Variants in TRIM2 observed in about 807,000 individuals in gnomAD.
TRIM2 encodes the protein tripartite motif-containing protein 2.
TRIM2 carries 20 observed loss-of-function variants against 75.2 expected under a neutral mutation model. The observed-to-expected ratio is 0.27, with a 90% CI of 0.19 to 0.39. The LOEUF is 0.39. Ranked by LOEUF, TRIM2 falls within the 10% of genes least tolerant of loss-of-function variation. The probability of loss-of-function intolerance (pLI) is 1.00; values close to 1 mark genes in which losing one functional copy is unlikely to be tolerated. For missense variants in TRIM2, 660 were observed against 990.8 expected, an observed-to-expected ratio of 0.67 and a Z score of 4.48; for synonymous variants, 373 against 388.3, an observed-to-expected ratio of 0.96 and a Z score of 0.46.
intron 1 of TRIM2, among the ~76,000 whole-genome samples, chr4:153,245,474 A>G (rs1315219099): frequency 6.6e-6 from 1 of 152,250 alleles, no homozygotes; most frequent in Admixed American, 6.5e-5. Context: ...ATGGCCTGTG[A>G]GCCAAATCTG....
rs71598257 is a variant in TRIM2 at position 153,283,861 on chromosome 4, C to CTTTTTTTTTTTTTTTTT, written c.453+7742_453+7758dup. Reference sequence around the variant, plus strand: ...TCATCTTGGCCAGGATGGCCTTGATCTTTTTTTTTTTTTTTTTTTTTTTTT... The same window carrying CTTTTTTTTTTTTTTTTT: ...TCATCTTGGCCAGGATGGCCTTGATCTTTTTTTTTTTTTTTTTTTTTTTTTTTTTTTTTTTTTTTTTT... On this transcript the variant is annotated intron_variant, in intron 3 of 11. Coordinates refer to ENST00000338700, the MANE Select transcript of TRIM2 (RefSeq NM_015271.5). Among the ~76,000 whole-genome samples the CTTTTTTTTTTTTTTTTT allele has an allele frequency of 9.4e-5, 5 of 53,256 alleles. 1 individual carries two copies. Among genetic ancestry groups the CTTTTTTTTTTTTTTTTT allele is most frequent in the African/African-American group, 4.3e-4 (5 of 11,730 alleles). The allele number at this position is 53,256 out of a possible 152,430, so 34.9% of individuals were successfully genotyped here.
chr4:153,260,694 CCCCCCCCA>C (rs1560902762), intron 1 of TRIM2, among the ~76,000 whole-genome samples: 10 of 51,410 alleles, frequency 1.9e-4, no homozygotes, highest in Non-Finnish European at 3.1e-4. Flanking sequence ...ACACCCACCC[CCCCCCCCA>C]CACACACACA....
chr4:153,245,831 C>T (rs1289068215), intron 1 of TRIM2, among the ~76,000 whole-genome samples: 1 of 152,158 alleles, frequency 6.6e-6, no homozygotes, highest in Non-Finnish European at 1.5e-5. Context: ...TGTGCACCAC[C>T]ATGCACGGCT....
chr4:153,215,762 A>G (rs1738314651), intron 1 of TRIM2, among the ~76,000 whole-genome samples: 1 of 152,212 alleles, frequency 6.6e-6, no homozygotes, highest in Non-Finnish European at 1.5e-5. Flanking sequence ...AAAAACAGGC[A>G]TTGAAATCTA....
At chr4:153,259,736 G>A (rs535767410) in intron 1 of TRIM2, among the ~76,000 whole-genome samples, 1 of 152,246 alleles carries the variant, frequency 6.6e-6, no homozygotes, top group South Asian at 2.1e-4. Flanking sequence ...CTCCATTATA[G>A]GGTTGGCTAT....
chr4:153,293,135 T>A lies in TRIM2; in HGVS notation c.605+2T>A. 1.2e-6 allele frequency: 2 copies of A among 1,600,940 alleles called. No homozygotes were observed. The highest frequency in any genetic ancestry group is 1.7e-6 in the Non-Finnish European group (2 of 1,170,316). On this transcript the variant is annotated splice_donor_variant, in intron 4 of 11. Transcript: ENST00000338700. LOFTEE classifies it high-confidence loss of function. The stretch of plus-strand genomic sequence containing the variant: ...CCAGCTGGATGCTGTCAACAAAAGG[T>A]GGGGGACCCCTCCCCAAACCCCCAA...
At chr4:153,276,181 T>A in intron 3 of TRIM2, 51 bp downstream of exon 3, 1 of 1,482,322 alleles carries the variant, frequency 6.7e-7, no homozygotes, top group South Asian at 1.1e-5. Flanking sequence ...TACTGTGGCC[T>A]TGGGGAGGCT....
Position 153,280,028 on chromosome 4 carries a change from C to T in TRIM2, c.453+3898C>T, listed in dbSNP as rs570794217. On this transcript the variant is annotated intron_variant, in intron 3 of 11. Transcript: ENST00000338700. ...GGTTGAGGCAGCAATGAGCTGTGAT[C>T]GTGCCAAAGTACTCCTGCTTGGGTG... 6.6e-5 allele frequency among the ~76,000 whole-genome samples: 10 copies of T among 151,556 alleles called. No homozygotes were observed. In the East Asian group the frequency reaches 1.7e-3, roughly 26 times the overall value.
chr4:153,298,267 C>CA (rs1459565351), intron 6 of TRIM2, among the ~76,000 whole-genome samples: 8 of 152,192 alleles, frequency 5.3e-5, no homozygotes, highest in African/African-American at 1.9e-4. Flanking sequence ...GCTGCCATAA[C>CA]AAAATTCCAC....
At position 153,335,158 on chromosome 4, in the gene TRIM2, T is replaced by TA. The variant is rs556330614; in HGVS notation, c.*200dup. The TA allele has an allele frequency of 8.9e-5, 113 of 1,271,862 alleles. No homozygotes were observed. In the East Asian group the frequency reaches 1.8e-3, roughly 20 times the overall value. The allele number at this position is 1,271,862 out of a possible 1,614,324, so 78.8% of individuals were successfully genotyped here. On this transcript the variant is annotated 3_prime_UTR_variant, in exon 12 of 12. Coordinates refer to ENST00000338700, the MANE Select transcript of TRIM2 (RefSeq NM_015271.5). Reference sequence around the variant, plus strand: ...AATTTCTGTATTTCACCTTTAGGGTTAAAAAAAACTCTTCTACTGAATCTA... The same window carrying TA: ...AATTTCTGTATTTCACCTTTAGGGTTAAAAAAAAACTCTTCTACTGAATCTA...
chr4:153,335,174 A>G lies in TRIM2; in HGVS notation c.*208A>G, dbSNP rs1161737768. The G allele has an allele frequency of 8.0e-7, 1 of 1,251,484 alleles. No homozygotes were observed. Among genetic ancestry groups the G allele is most frequent in the Non-Finnish European group, 1.0e-6 (1 of 996,196 alleles). 77.5% of individuals were successfully genotyped at this position (1,251,484 alleles called of 1,614,324 possible). A position where few individuals can be genotyped will look rare whatever the true frequency, so the allele number is the denominator to read the frequency against. On this transcript the variant is annotated 3_prime_UTR_variant, in exon 12 of 12. Coordinates refer to ENST00000338700, the MANE Select transcript of TRIM2 (RefSeq NM_015271.5). ...CTTTAGGGTTAAAAAAAACTCTTCT[A>G]CTGAATCTATAAAAACTGCAGTTTT...
At position 153,307,426 on chromosome 4, in the gene TRIM2, GAGAC is replaced by G. The variant is rs553056814; in HGVS notation, c.1511-8058_1511-8055del. Among the ~76,000 whole-genome samples, 213 of 151,338 alleles carry G rather than the reference GAGAC, an allele frequency of 1.4e-3. 2 individuals are homozygous for G. The highest frequency in any genetic ancestry group is 1.5e-3 in the Non-Finnish European group (105 of 67,968). On this transcript the variant is annotated intron_variant, in intron 6 of 11. Coordinates refer to ENST00000338700, the MANE Select transcript of TRIM2 (RefSeq NM_015271.5). ...TGTAAAATCGCTTAGCATGAATTCA[GAGAC>G]TTTACAGGAAAAAAATATATATTTT...
chr4:153,252,129 A>G (rs933046479), intron 1 of TRIM2, among the ~76,000 whole-genome samples: 4 of 152,286 alleles, frequency 2.6e-5, no homozygotes, highest in South Asian at 2.1e-4. Context: ...TCCAACCCCA[A>G]TAAAGCTTGT....
chr4:153,279,237 C>T (rs1362220300), intron 3 of TRIM2, among the ~76,000 whole-genome samples: 1 of 152,114 alleles, frequency 6.6e-6, no homozygotes, highest in Non-Finnish European at 1.5e-5. Context: ...CAACAATCTG[C>T]CTCCCACAAA....
In TRIM2 at chr4:153,336,039, G is replaced by T; in HGVS notation, c.*1073G>T. 2.0e-6 allele frequency: 2 copies of T among 985,472 alleles called. No individual in the cohort carries two copies. Among genetic ancestry groups the T allele is most frequent in the Non-Finnish European group, 2.4e-6 (2 of 829,854 alleles). The allele number at this position is 985,472 out of a possible 1,614,324, so 61.0% of individuals were successfully genotyped here. A position where few individuals can be genotyped will look rare whatever the true frequency, so the allele number is the denominator to read the frequency against. On this transcript the variant is annotated 3_prime_UTR_variant, in exon 12 of 12. Coordinates refer to ENST00000338700, the MANE Select transcript of TRIM2 (RefSeq NM_015271.5). ...AGCATTACAGGTAAGGGCATGTTAT[G>T]GTTATTTATCATTGTTTAATGAATA... is the stretch of plus-strand genomic sequence containing the variant.
At chr4:153,314,056 A>G (rs1017626348) in intron 6 of TRIM2, among the ~76,000 whole-genome samples, 6 of 152,194 alleles carry the variant, frequency 3.9e-5, no homozygotes, top group Admixed American at 1.3e-4. Flanking sequence ...TCCATTCATT[A>G]ATATTTACAT....
At chr4:153,232,809 G>A (rs971590719) in intron 1 of TRIM2, among the ~76,000 whole-genome samples, 1 of 152,186 alleles carries the variant, frequency 6.6e-6, no homozygotes, top group Non-Finnish European at 1.5e-5. Context: ...TGACTTAGGG[G>A]CTGAGTGGTG....
At chr4:153,174,191 G>T (rs1731180788) in intron 1 of TRIM2, among the ~76,000 whole-genome samples, 1 of 87,558 alleles carries the variant, frequency 1.1e-5, no homozygotes, top group Non-Finnish European at 2.4e-5. Flanking sequence ...CACTTCTGGG[G>T]ATTCTAAGTC....
intron 1 of TRIM2, among the ~76,000 whole-genome samples, chr4:153,158,872 G>C (rs1471648088): frequency 4.6e-5 from 7 of 152,224 alleles, no homozygotes; most frequent in Admixed American, 2.0e-4. Flanking sequence ...GGCTCAAAAG[G>C]CTGCAGGAGC....
Sources: allele counts gnomAD v4.1 joint callset (sites outside exome capture counted in the v4.1 genomes callset), GRCh38; gene constraint gnomAD v4.1.1; transcripts MANE v1.5; gene names NCBI Gene and HGNC (gene_info 2026-07-23, HGNC 2026-07-21).